NUMB: variants seen among roughly 807,000 people sequenced by gnomAD.
NUMB encodes NUMB endocytic adaptor protein.
Under a neutral mutation model 59.7 loss-of-function variants are expected in NUMB, and 29 were observed. The observed-to-expected ratio is 0.49, with a 90% CI of 0.36 to 0.66. The LOEUF (loss-of-function observed/expected upper bound fraction) is 0.66. NUMB is among the 30% of genes least tolerant of loss of function. The probability of loss-of-function intolerance (pLI) is 0.00; values close to 1 mark genes in which losing one functional copy is unlikely to be tolerated. For missense variants in NUMB, 723 were observed against 822.0 expected (o/e 0.88, Z 1.47); for synonymous variants, 288 against 288.2 (o/e 1.00, Z 0.01).
intron 4 of NUMB, among the ~76,000 whole-genome samples, chr14:73,349,683 T>C (rs1893108518): frequency 6.6e-6 from 1 of 151,512 alleles, no homozygotes; most frequent in Non-Finnish European, 1.5e-5. Flanking sequence ...ATCAAGACCA[T>C]CCTGGCTAAC....
rs567464186 is a variant in NUMB at position 73,428,859 on chromosome 14, C to CA, written c.-232-18792dup. ...AATAAAACATTTTCTGAGATATTTCCAAAATAATTTTTAATATGGTAATAT... is the reference window on the plus strand; with the variant it reads ...AATAAAACATTTTCTGAGATATTTCCAAAAATAATTTTTAATATGGTAATAT... On this transcript the variant is annotated intron_variant, in intron 1 of 12. Coordinates refer to ENST00000555238, the MANE Select transcript of NUMB (RefSeq NM_001005743.2). Among the ~76,000 whole-genome samples, 280 of 152,090 alleles carry CA rather than the reference C, an allele frequency of 1.8e-3. 1 individual carries two copies. The highest frequency in any genetic ancestry group is 3.4e-3 in the Middle Eastern group (1 of 294).
intron 1 of NUMB, among the ~76,000 whole-genome samples, chr14:73,439,557 T>C (rs1373342580): frequency 6.6e-6 from 1 of 152,200 alleles, no homozygotes; most frequent in East Asian, 1.9e-4. Flanking sequence ...CTATATTAAT[T>C]ATGGATTTAA....
chr14:73,398,409 A>T lies in NUMB; in HGVS notation c.-101+11528T>A, dbSNP rs1475587993. Among the ~76,000 whole-genome samples, 3 of 120,140 alleles carry T rather than the reference A, an allele frequency of 2.5e-5. No homozygotes were observed. The East Asian group carries it at 7.0e-4, about 28-fold the overall frequency. The allele number at this position is 120,140 out of a possible 152,430, so 78.8% of individuals were successfully genotyped here. ...GACACACACAGAGAGAGAGAGAGAG[A>T]GAGAGAGTGTGTGTGTGTGTGTGTG... is the stretch of plus-strand genomic sequence containing the variant. On this transcript the variant is annotated intron_variant, in intron 2 of 12. Transcript: ENST00000555238.
chr14:73,414,947 G>T (rs570131252), intron 1 of NUMB, among the ~76,000 whole-genome samples: 2 of 152,184 alleles, frequency 1.3e-5, no homozygotes, highest in South Asian at 2.1e-4. Flanking sequence ...GTCTCGATCT[G>T]CTGACCTTGT....
intron 1 of NUMB, among the ~76,000 whole-genome samples, chr14:73,425,674 T>C (rs892980674): frequency 2.0e-5 from 3 of 152,202 alleles, no homozygotes; most frequent in Non-Finnish European, 4.4e-5. Context: ...TAATAACTAC[T>C]ATATATAGAG....
intron 2 of NUMB, among the ~76,000 whole-genome samples, chr14:73,379,131 A>G (rs967584107): frequency 6.6e-6 from 1 of 152,244 alleles, no homozygotes; most frequent in Non-Finnish European, 1.5e-5. Flanking sequence ...TGCCCTTTAT[A>G]TATGGCATTT....
chr14:73,302,815 A>G (rs1341615700), intron 6 of NUMB, among the ~76,000 whole-genome samples: 1 of 152,206 alleles, frequency 6.6e-6, no homozygotes, highest in East Asian at 1.9e-4. Flanking sequence ...CTGAGAGAAG[A>G]CTGTCTGCCC....
chr14:73,365,923 A>G lies in NUMB; in HGVS notation c.-16+974T>C, dbSNP rs944158350. Among the ~76,000 whole-genome samples the G allele has an allele frequency of 3.3e-5, 5 of 152,326 alleles. No homozygotes were observed. The South Asian group carries it at 1.0e-3, about 32-fold the overall frequency. ...ATGTGCTGTGGTCCCACTGGTTCAA[A>G]GGTCATTCAGTGTGCACATTCACCA... On this transcript the variant is annotated intron_variant, in intron 3 of 12. Transcript: ENST00000555238.
rs372369458 is a variant in NUMB at position 73,365,815 on chromosome 14, T to C, written c.-16+1082A>G. Among the ~76,000 whole-genome samples, 10 of 152,314 alleles carry C rather than the reference T, an allele frequency of 6.6e-5. No homozygotes were observed. In the South Asian group the frequency reaches 1.2e-3, roughly 19 times the overall value. ...TTAATGAAATTGTAGTAATAGTTAA[T>C]CAGCACTTTAGGATTCTGACAGCTA... On this transcript the variant is annotated intron_variant, in intron 3 of 12. Transcript: ENST00000555238.
intron 2 of NUMB, among the ~76,000 whole-genome samples, chr14:73,397,139 A>C (rs532910708): frequency 1.3e-4 from 20 of 151,966 alleles, no homozygotes; most frequent in Admixed American, 7.2e-4. Flanking sequence ...AAAAAACAAA[A>C]CAAAACAAAA....
intron 9 of NUMB, chr14:73,284,684 G>T: frequency 4.5e-6 from 1 of 223,390 alleles, no homozygotes; most frequent in Non-Finnish European, 8.9e-6. Flanking sequence ...CTAATATGTA[G>T]TCTTTTAAAG....
chr14:73,372,695 T>G (rs1311802841), intron 2 of NUMB, among the ~76,000 whole-genome samples: 1 of 151,840 alleles, frequency 6.6e-6, no homozygotes, highest in African/African-American at 2.4e-5. Context: ...CAAAAAACAG[T>G]TTCAAAATTG....
chr14:73,406,544 G>T (rs1303863671), intron 2 of NUMB, among the ~76,000 whole-genome samples: 1 of 151,914 alleles, frequency 6.6e-6, no homozygotes, highest in Non-Finnish European at 1.5e-5. Flanking sequence ...GAATAGTGCC[G>T]CAATAAACAT....
At chr14:73,330,975 T>C (rs1891944273) in intron 4 of NUMB, among the ~76,000 whole-genome samples, 1 of 152,166 alleles carries the variant, frequency 6.6e-6, no homozygotes, top group Non-Finnish European at 1.5e-5. Flanking sequence ...GCTGAAGGCC[T>C]GAGAACCTGG....
intron 7 of NUMB, among the ~76,000 whole-genome samples, chr14:73,294,474 T>C (rs1200880996): frequency 6.6e-6 from 1 of 152,158 alleles, no homozygotes; most frequent in East Asian, 1.9e-4. Context: ...ATGAACAGAA[T>C]TTGGGACTAC....
rs190155352 is a variant in NUMB, at chr14:73,277,240, C to T, written c.1294G>A (p.Gly432Ser). ...GAASPGLFQA[G>S]HRRTPSEADR... ...GCCTCAGAGGGAGTACGTCTATGAC[C>T]GGCCTGGAAGAGACCTGGAGAGGCA... The change falls in exon 13 of 13, where the codon GGT becomes AGT. Residue 432 changes from glycine to serine, a missense_variant. This residue lies in a region of NUMB where 406 missense variants were observed against 385.4 expected (regional missense o/e 1.05). Coordinates refer to ENST00000555238, the MANE Select transcript of NUMB (RefSeq NM_001005743.2). The T allele has an allele frequency of 2.8e-5, 45 of 1,613,288 alleles. No homozygotes were observed. In the Middle Eastern group the frequency reaches 5.0e-4, roughly 18 times the overall value.
intron 3 of NUMB, among the ~76,000 whole-genome samples, chr14:73,358,804 T>C (rs1366586764): frequency 2.0e-5 from 3 of 152,168 alleles, no homozygotes; most frequent in African/African-American, 7.2e-5. Flanking sequence ...GCCTGTCATA[T>C]ATAGCATACT....
intron 2 of NUMB, among the ~76,000 whole-genome samples, chr14:73,396,352 G>C (rs1594987197): frequency 7.3e-6 from 1 of 136,450 alleles, no homozygotes; most frequent in Non-Finnish European, 1.6e-5. Flanking sequence ...GTGTGTGTGT[G>C]TGTGTGTGTT....
Position 73,398,390 on chromosome 14 carries a change from C to CAGAG in NUMB, c.-101+11546_-101+11547insCTCT, listed in dbSNP as rs1168339502. ...TATTTGTATATGAGAGAGAGACACA[C>CAGAG]ACAGAGAGAGAGAGAGAGAGAGAGA... On this transcript the variant is annotated intron_variant, in intron 2 of 12. Transcript: ENST00000555238. Among the ~76,000 whole-genome samples, 4 of 118,188 alleles carry CAGAG rather than the reference C, an allele frequency of 3.4e-5. No homozygotes were observed. In the East Asian group the frequency reaches 8.7e-4, roughly 26 times the overall value. The allele number at this position is 118,188 out of a possible 152,430, so 77.5% of individuals were successfully genotyped here. A position where few individuals can be genotyped will look rare whatever the true frequency, so the allele number is the denominator to read the frequency against.
Sources: gnomAD v4.1 joint callset for allele counts (sites outside exome capture counted in the v4.1 genomes callset) on GRCh38, gnomAD v4.1.1 for gene constraint, gnomAD v4.1.1 regional missense constraint, MANE v1.5 for transcripts, NCBI Gene and HGNC (gene_info 2026-07-23, HGNC 2026-07-21) for gene names.